Variants in GPR158 observed in about 807,000 individuals in gnomAD.
GPR158 encodes the protein G protein-coupled receptor 158.
GPR158 carries 30 observed loss-of-function variants against 78.2 expected under a neutral mutation model. The ratio of observed to expected loss-of-function variants is 0.38; its 90% confidence interval spans 0.29 to 0.52. The LOEUF is 0.52. GPR158 is among the 20% of genes least tolerant of loss of function. The pLI is 0.83. For missense variants in GPR158, 1,463 were observed against 1,523.5 expected, an observed-to-expected ratio of 0.96 and a Z score of 0.66; for synonymous variants, 581 against 591.1, an observed-to-expected ratio of 0.98 and a Z score of 0.25.
chr10:25,237,532 CTTTTG>C (rs762775938), intron 2 of GPR158, among the ~76,000 whole-genome samples: 1 of 152,192 alleles, frequency 6.6e-6, no homozygotes. Context: ...GCTTTAGTTT[CTTTTG>C]TTTTTCATTT....
chr10:25,500,442 T>C (rs1835936173), intron 5 of GPR158, among the ~76,000 whole-genome samples: 1 of 152,220 alleles, frequency 6.6e-6, no homozygotes, highest in Admixed American at 6.5e-5. Context: ...CTACGTGCCT[T>C]TTGGCAGAAC....
chr10:25,198,774 G>A (rs1852877383), intron 1 of GPR158, among the ~76,000 whole-genome samples: 2 of 152,044 alleles, frequency 1.3e-5, no homozygotes, highest in South Asian at 2.1e-4. Context: ...GTGACGTTGC[G>A]TTCAGTCATC....
chr10:25,226,111 G>C (rs1853369181), intron 2 of GPR158, among the ~76,000 whole-genome samples: 1 of 151,050 alleles, frequency 6.6e-6, no homozygotes, highest in African/African-American at 2.4e-5. Context: ...TCTCCAGAAA[G>C]TTTCTGTTTA....
In GPR158 at chr10:25,274,659, A is replaced by T. The variant is rs1588769886; in HGVS notation, c.1008+53502A>T. Reference sequence around the variant, plus strand: ...TATATCTAAAAGCCCACTAGTGCAGATGGTTTAAAAATTAATTTTACCTGA... The same window carrying T: ...TATATCTAAAAGCCCACTAGTGCAGTTGGTTTAAAAATTAATTTTACCTGA... On this transcript the variant is annotated intron_variant, in intron 2 of 10. Coordinates refer to ENST00000376351, the MANE Select transcript of GPR158 (RefSeq NM_020752.3). 2.0e-5 allele frequency among the ~76,000 whole-genome samples: 3 copies of T among 152,226 alleles called. No homozygotes were observed. In the East Asian group the frequency reaches 5.8e-4, roughly 29 times the overall value.
At chr10:25,324,040 AATGTC>A (rs1438580465) in intron 2 of GPR158, among the ~76,000 whole-genome samples, 2 of 152,192 alleles carry the variant, frequency 1.3e-5, no homozygotes, top group Non-Finnish European at 2.9e-5. Context: ...AGATCAAGGG[AATGTC>A]ATGTCTGGAT....
At chr10:25,438,598 G>GA (rs2130585792) in intron 4 of GPR158, among the ~76,000 whole-genome samples, 1 of 152,280 alleles carries the variant, frequency 6.6e-6, no homozygotes, top group South Asian at 2.1e-4. Context: ...GTTACAAATG[G>GA]AAAAATTGAT....
chr10:25,407,223 A>AG (rs1174514050), intron 3 of GPR158, among the ~76,000 whole-genome samples: 2 of 152,170 alleles, frequency 1.3e-5, no homozygotes, highest in African/African-American at 2.4e-5. Flanking sequence ...ATATAAATTC[A>AG]GAAAAAAAAT....
rs376081467 is a variant in GPR158, at chr10:25,269,742, A to G, written c.1008+48585A>G. Among the ~76,000 whole-genome samples, 3 of 152,300 alleles carry G rather than the reference A, an allele frequency of 2.0e-5. No individual in the cohort carries two copies. In the East Asian group the frequency reaches 5.8e-4, roughly 29 times the overall value. ...CTGTTTTCCCCATTTCATGAATGAG[A>G]AAACGGAGAAACTGAGCTGATGTTG... is the stretch of plus-strand genomic sequence containing the variant. On this transcript the variant is annotated intron_variant, in intron 2 of 10. Coordinates refer to ENST00000376351, the MANE Select transcript of GPR158 (RefSeq NM_020752.3).
At chr10:25,574,230 T>G (rs1297154448) in intron 7 of GPR158, among the ~76,000 whole-genome samples, 2 of 150,326 alleles carry the variant, frequency 1.3e-5, no homozygotes, top group Non-Finnish European at 1.5e-5. Flanking sequence ...ACCAAGAAAG[T>G]TTTTATGCAT....
chr10:25,318,583 T>C (rs1044945085), intron 2 of GPR158, among the ~76,000 whole-genome samples: 6 of 152,312 alleles, frequency 3.9e-5, no homozygotes, highest in Admixed American at 1.3e-4. Context: ...ATGTCACTTA[T>C]TTGTTCTGTA....
chr10:25,368,230 G>A (rs1035874955), intron 2 of GPR158, among the ~76,000 whole-genome samples: 10 of 151,788 alleles, frequency 6.6e-5, no homozygotes, highest in African/African-American at 2.2e-4. Flanking sequence ...TAAACTACTG[G>A]TATTTTAATC....
intron 2 of GPR158, among the ~76,000 whole-genome samples, chr10:25,334,680 TG>T (rs1855173751): frequency 2.6e-5 from 4 of 152,092 alleles, no homozygotes; most frequent in African/African-American, 4.8e-5. Context: ...AGGCATTTAA[TG>T]TCTATGTGAC....
At chr10:25,402,836 A>T (rs1834465758) in intron 3 of GPR158, among the ~76,000 whole-genome samples, 1 of 151,948 alleles carries the variant, frequency 6.6e-6, no homozygotes, top group Non-Finnish European at 1.5e-5. Context: ...TGGTGGGTTA[A>T]TTAGATATTT....
rs140345337 is a variant in GPR158 at position 25,290,743 on chromosome 10, T to A, written c.1008+69586T>A. ...TTATATTTATGTATATTACTATGTA[T>A]CTTCCTTCTTTGAACCTAAGTAGAA... On this transcript the variant is annotated intron_variant, in intron 2 of 10. Transcript: ENST00000376351. Among the ~76,000 whole-genome samples the A allele has an allele frequency of 4.0e-3, 605 of 152,212 alleles. 4 individuals carry two copies. Among genetic ancestry groups the A allele is most frequent in the African/African-American group, 0.014 (582 of 41,560 alleles).
At chr10:25,406,138 A>C (rs1487275914) in intron 3 of GPR158, among the ~76,000 whole-genome samples, 1 of 152,130 alleles carries the variant, frequency 6.6e-6, no homozygotes, top group Non-Finnish European at 1.5e-5. Context: ...TCAAGTGCCC[A>C]CAGAATTTAT....
At chr10:25,240,570 G>T (rs988086132) in intron 2 of GPR158, among the ~76,000 whole-genome samples, 6 of 152,150 alleles carry the variant, frequency 3.9e-5, no homozygotes, top group African/African-American at 1.4e-4. Flanking sequence ...GAAGAATTTT[G>T]ATTAGAAATG....
chr10:25,455,768 A>T (rs1329251), intron 4 of GPR158, among the ~76,000 whole-genome samples: 8,693 of 152,300 alleles, frequency 0.057, 310 homozygotes, highest in Admixed American at 0.11. Context: ...GCTGATAAGC[A>T]TAAAGACCAA....
intron 2 of GPR158, among the ~76,000 whole-genome samples, chr10:25,279,216 T>C (rs960646577): frequency 6.6e-6 from 1 of 152,156 alleles, no homozygotes; most frequent in East Asian, 1.9e-4. Flanking sequence ...TACATAAATT[T>C]CACGCTAGTG....
intron 2 of GPR158, among the ~76,000 whole-genome samples, chr10:25,329,901 A>G (rs1300335755): frequency 6.6e-6 from 1 of 152,164 alleles, no homozygotes; most frequent in African/African-American, 2.4e-5. Context: ...TAATGTTAAT[A>G]GTATTAGTGA....
Sources: allele counts gnomAD v4.1 joint callset (sites outside exome capture counted in the v4.1 genomes callset), GRCh38; gene constraint gnomAD v4.1.1; transcripts MANE v1.5; gene names NCBI Gene and HGNC (gene_info 2026-07-23, HGNC 2026-07-21).